PCDHGB3: variants seen among roughly 807,000 people sequenced by gnomAD.
The protein encoded by PCDHGB3 is protocadherin gamma subfamily B, 3.
Under a neutral mutation model 59.2 loss-of-function variants are expected in PCDHGB3, and 40 were observed. That is an observed-to-expected ratio of 0.68 (90% CI 0.52 to 0.88). The LOEUF is 0.88. Ranked by LOEUF, PCDHGB3 falls within the 40% of genes least tolerant of loss-of-function variation. The pLI, the probability that PCDHGB3 is intolerant of heterozygous loss-of-function variation, is 0.00. For missense variants in PCDHGB3, 1,309 were observed against 1,187.9 expected, an observed-to-expected ratio of 1.10 and a Z score of -1.50; for synonymous variants, 581 against 503.6, an observed-to-expected ratio of 1.15 and a Z score of -2.06.
intron 1 of PCDHGB3, chr5:141,428,371 C>A: frequency 5.6e-6 from 3 of 536,772 alleles, no homozygotes; most frequent in Non-Finnish European, 1.0e-5. Flanking sequence ...CGCCTTGCAC[C>A]TGCGATGCTC....
chr5:141,422,539 C>T (rs1335732614), intron 1 of PCDHGB3: 6 of 1,613,876 alleles, frequency 3.7e-6, no homozygotes, highest in Middle Eastern at 1.6e-4. Context: ...TGCAGAAACT[C>T]ATGTCTGGCT....
intron 1 of PCDHGB3, chr5:141,418,495 G>T (rs745982190): frequency 6.2e-7 from 1 of 1,613,974 alleles, no homozygotes; most frequent in South Asian, 1.1e-5. Context: ...ACTTGGTACT[G>T]ACCGCCTTAG....
Position 141,491,795 on chromosome 5 carries a change from C to T in PCDHGB3, c.2416-3012C>T. On this transcript the variant is annotated intron_variant, in intron 1 of 3. Coordinates refer to ENST00000576222, the MANE Select transcript of PCDHGB3 (RefSeq NM_018924.5). This position sits in a 1 kb window ranked among gnomAD's most constrained non-coding sequence, Gnocchi z 6.9. ...GGATTGAACTTGCATCCACTCCTCT[C>T]CGGCCGGCTTGGTCGCTGGCTGCGC... 6 of 1,511,694 alleles carry T rather than the reference C, an allele frequency of 4.0e-6. No individual in the cohort carries two copies. Among genetic ancestry groups the T allele is most frequent in the Non-Finnish European group, 5.3e-6 (6 of 1,130,430 alleles). 93.6% of individuals were successfully genotyped at this position (1,511,694 alleles called of 1,614,324 possible).
chr5:141,373,942 G>C, intron 1 of PCDHGB3: 1 of 734,326 alleles, frequency 1.4e-6, no homozygotes, highest in African/African-American at 1.8e-5. Context: ...CAGGAAAGCT[G>C]TGCAGAAATT....
rs78612001 is a variant in PCDHGB3 at position 141,432,435 on chromosome 5, C to A, written c.2415+59626C>A. ...TTCGTGCTGGACCAGAACGACAATG[C>A]GCCCGAGATCCTGTACCCCGCCCTC... On this transcript the variant is annotated intron_variant, in intron 1 of 3. Coordinates refer to ENST00000576222, the MANE Select transcript of PCDHGB3 (RefSeq NM_018924.5). The surrounding 1 kb of genome is among the most constrained non-coding windows in gnomAD (Gnocchi z 6.0). The A allele has an allele frequency of 0.027, 43,228 of 1,614,212 alleles. 830 individuals are homozygous for A. The highest frequency in any genetic ancestry group is 0.092 in the African/African-American group (6,903 of 75,054).
In PCDHGB3 at chr5:141,372,716, T is replaced by C. The variant is rs1305256970; in HGVS notation, c.2322T>C (p.Asn774=). The C allele has an allele frequency of 1.9e-6, 3 of 1,613,946 alleles. No homozygotes were observed. The East Asian group carries it at 6.7e-5, about 36-fold the overall frequency. The part of the protein sequence containing the change: ...EFKFLNIKAE[N]AAPQDLLCDE... ...AATTTCTCAATATAAAGGCTGAAAATGCTGCACCACAAGATCTTCTATGTG... is the reference window on the plus strand; with the variant it reads ...AATTTCTCAATATAAAGGCTGAAAACGCTGCACCACAAGATCTTCTATGTG... The change falls in exon 1 of 4, where the codon AAT becomes AAC. Residue 774 remains asparagine, a synonymous_variant. Coordinates refer to ENST00000576222, the MANE Select transcript of PCDHGB3 (RefSeq NM_018924.5).
At chr5:141,421,184 C>G (rs2096551183) in intron 1 of PCDHGB3, 1 of 1,457,940 alleles carries the variant, frequency 6.9e-7, no homozygotes, top group African/African-American at 1.4e-5. Context: ...CGATTCACAA[C>G]CAACCAGCTC....
chr5:141,393,893 T>C (rs761049644), intron 1 of PCDHGB3: 7 of 1,614,034 alleles, frequency 4.3e-6, no homozygotes, highest in Non-Finnish European at 5.1e-6. Flanking sequence ...TAGAAAATTC[T>C]CTTCCCGGGA....
chr5:141,476,656 T>C lies in PCDHGB3; in HGVS notation c.2416-18151T>C. 1 of 1,614,210 alleles carries C rather than the reference T, an allele frequency of 6.2e-7. No individual in the cohort carries two copies. Among genetic ancestry groups the C allele is most frequent in the Non-Finnish European group, 8.5e-7 (1 of 1,180,044 alleles). On this transcript the variant is annotated intron_variant, in intron 1 of 3. Coordinates refer to ENST00000576222, the MANE Select transcript of PCDHGB3 (RefSeq NM_018924.5). This position sits in a 1 kb window ranked among gnomAD's most constrained non-coding sequence, Gnocchi z 7.6. ...ATGAGCTGAGCCGAAATGAATACTT[T>C]GCGCTTCGCGTGCAGACGCGGGAGG...
chr5:141,422,838 C>G, intron 1 of PCDHGB3: 3 of 1,614,252 alleles, frequency 1.9e-6, no homozygotes, highest in African/African-American at 2.7e-5. Flanking sequence ...TAGCACGTGA[C>G]AGCGGGGACC....
At position 141,486,804 on chromosome 5, in the gene PCDHGB3, C is replaced by G. The variant is rs755001457; in HGVS notation, c.2416-8003C>G. On this transcript the variant is annotated intron_variant, in intron 1 of 3. Transcript: ENST00000576222. This position sits in a 1 kb window ranked among gnomAD's most constrained non-coding sequence, Gnocchi z 5.0. ...CAGGCCCGGGATCGGGGCAACCCAC[C>G]CCTTAGCAGCACTGTAACAGTTCGT... 2 of 1,614,232 alleles carry G rather than the reference C, an allele frequency of 1.2e-6. No homozygotes were observed. The highest frequency in any genetic ancestry group is 3.3e-5 in the Admixed American group (2 of 60,032).
chr5:141,418,840 C>A, intron 1 of PCDHGB3: 1 of 1,614,006 alleles, frequency 6.2e-7, no homozygotes, highest in Non-Finnish European at 8.5e-7. Context: ...GAGGATCTCT[C>A]TCAACACGGT....
chr5:141,494,182 C>A (rs188628485), intron 1 of PCDHGB3, among the ~76,000 whole-genome samples: 1 of 152,126 alleles, frequency 6.6e-6, no homozygotes, highest in Non-Finnish European at 1.5e-5. Context: ...AGAAGTGTCC[C>A]GGGACTTGGA....
chr5:141,383,721 T>C lies in PCDHGB3; in HGVS notation c.2415+10912T>C, dbSNP rs990608432. The C allele has an allele frequency of 6.2e-6, 10 of 1,613,892 alleles. No individual in the cohort carries two copies. The South Asian group carries it at 6.6e-5, about 11-fold the overall frequency. On this transcript the variant is annotated intron_variant, in intron 1 of 3. Coordinates refer to ENST00000576222, the MANE Select transcript of PCDHGB3 (RefSeq NM_018924.5). ...CTATCGACCTGGACGAGGGAGTCAA[T>C]GGGGAAGTGACATATTCTTTTCGGA...
rs758673205 is a variant in PCDHGB3, at chr5:141,376,309, CGT to C, written c.2415+3502_2415+3503del. The C allele has an allele frequency of 7.2e-5, 117 of 1,614,148 alleles. No homozygotes were observed. The South Asian group carries it at 1.3e-3, about 17-fold the overall frequency. ...GCATGCCCGGCTCGCACTTTGTGGG[CGT>C]GGAAGGGGTTCGGGCTTTCCTGCAG... On this transcript the variant is annotated intron_variant, in intron 1 of 3. Coordinates refer to ENST00000576222, the MANE Select transcript of PCDHGB3 (RefSeq NM_018924.5).
chr5:141,456,550 C>T (rs1017343381), intron 1 of PCDHGB3, among the ~76,000 whole-genome samples: 2 of 152,166 alleles, frequency 1.3e-5, no homozygotes, highest in African/African-American at 4.8e-5. Context: ...TGTAGCCACT[C>T]GGGGCTGAAG....
intron 1 of PCDHGB3, chr5:141,421,662 G>C: frequency 5.6e-6 from 9 of 1,613,844 alleles, no homozygotes; most frequent in Non-Finnish European, 7.6e-6. Context: ...AAGTCAGTGA[G>C]CACGCAATTC....
rs1349189547 is a variant in PCDHGB3 at position 141,432,777 on chromosome 5, C to A, written c.2415+59968C>A. 1.2e-6 allele frequency: 2 copies of A among 1,614,154 alleles called. No individual in the cohort carries two copies. The highest frequency in any genetic ancestry group is 1.3e-5 in the African/African-American group (1 of 75,062). ...GCCGACAGCATCCCCCAAGTCCTGGCGGACCTCGGCAGCCTCGAGTCTCCA... is the reference window on the plus strand; with the variant it reads ...GCCGACAGCATCCCCCAAGTCCTGGAGGACCTCGGCAGCCTCGAGTCTCCA... On this transcript the variant is annotated intron_variant, in intron 1 of 3. Transcript: ENST00000576222. This position sits in a 1 kb window ranked among gnomAD's most constrained non-coding sequence, Gnocchi z 6.0.
rs759809060 is a variant in PCDHGB3, at chr5:141,476,317, G to A, written c.2416-18490G>A. 1.2e-6 allele frequency: 2 copies of A among 1,614,170 alleles called. No individual in the cohort carries two copies. Among genetic ancestry groups the A allele is most frequent in the South Asian group, 2.2e-5 (2 of 91,078 alleles). On this transcript the variant is annotated intron_variant, in intron 1 of 3. Coordinates refer to ENST00000576222, the MANE Select transcript of PCDHGB3 (RefSeq NM_018924.5). This position sits in a 1 kb window ranked among gnomAD's most constrained non-coding sequence, Gnocchi z 7.6. Reference sequence around the variant, plus strand: ...GTAGCCTCTCAGCCCGCAGGTTCCGGGTGGTGTCTGGAGCTAGCCGAAGAT... The same window carrying A: ...GTAGCCTCTCAGCCCGCAGGTTCCGAGTGGTGTCTGGAGCTAGCCGAAGAT...
Sources: gnomAD v4.1 joint callset for allele counts (sites outside exome capture counted in the v4.1 genomes callset) on GRCh38, gnomAD v4.1.1 for gene constraint, Gnocchi (gnomAD v3.1) non-coding constraint, MANE v1.5 for transcripts, NCBI Gene and HGNC (gene_info 2026-07-23, HGNC 2026-07-21) for gene names.